PABPN1L: variants seen among roughly 807,000 people sequenced by gnomAD.
PABPN1L encodes the protein PABPN1 like, cytoplasmic.
Under a neutral mutation model 34.0 loss-of-function variants are expected in PABPN1L, and 45 were observed. The observed-to-expected ratio is 1.32, with a 90% CI of 1.04 to 1.70. The LOEUF (loss-of-function observed/expected upper bound fraction) is 1.70, where lower values mean the gene tolerates loss of function less well. PABPN1L is among the 40% of genes most tolerant of loss of function. PABPN1L has a pLI of 0.00. For synonymous variants in PABPN1L, 182 were observed against 152.1 expected (o/e 1.20, Z -1.45); for missense variants, 459 against 367.8 (o/e 1.25, Z -2.03).
chr16:88,864,348 A>G (rs1198369991), exon 6 of PABPN1L: 1 of 1,556,242 alleles, frequency 6.4e-7, no homozygotes, highest in Non-Finnish European at 8.7e-7. Context: ...TGTGGAGCTG[A>G]TCCCAGGGAA....
At chr16:88,866,183 G>A (rs1157265804) in intron 1 of PABPN1L, among the ~76,000 whole-genome samples, 169 bp downstream of exon 1, 1 of 152,234 alleles carries the variant, frequency 6.6e-6, no homozygotes, top group Admixed American at 6.5e-5. Flanking sequence ...CCTGCAGTCT[G>A]TGTGGCTGGG....
chr16:88,863,863 G>A lies in PABPN1L; in HGVS notation c.798-68C>T. 7.6e-6 allele frequency: 11 copies of A among 1,444,118 alleles called. No individual in the cohort carries two copies. The South Asian group carries it at 1.2e-4, about 16-fold the overall frequency. 89.5% of individuals were successfully genotyped at this position (1,444,118 alleles called of 1,614,324 possible). ...GAAGGGGTGGTGGCCCAGGGCCCCG[G>A]GGGACAACAGGATAAGGATGCAGGG... On this transcript the variant is annotated intron_variant, in intron 6 of 6. Coordinates refer to ENST00000419291, the Ensembl canonical transcript of PABPN1L.
chr16:88,863,584 A>T, exon 7 of PABPN1L: 1 of 839,058 alleles, frequency 1.2e-6, no homozygotes. Flanking sequence ...GGACCACCAT[A>T]CAAGGCCCTA....
chr16:88,865,587 G>A, exon 3 of PABPN1L: 1 of 1,611,914 alleles, frequency 6.2e-7, no homozygotes, highest in Non-Finnish European at 8.5e-7. Flanking sequence ...CGGATCTGTG[G>A]TCAGCCTCCA....
chr16:88,866,428 T>A (rs1450650795), exon 1 of PABPN1L: 1 of 1,551,498 alleles, frequency 6.4e-7, no homozygotes, highest in Admixed American at 2.0e-5. Context: ...CCCATCCTGG[T>A]CTTCCTCTGC....
upstream of PABPN1L, among the ~76,000 whole-genome samples, chr16:88,867,012 A>G (rs868095579): frequency 7.6e-4 from 116 of 152,310 alleles, no homozygotes; most frequent in African/African-American, 2.6e-3. Context: ...TTCTTCTAGT[A>G]CCAGGGACCA....
intron 6 of PABPN1L, 51 bp downstream of exon 6, chr16:88,864,186 C>T: frequency 6.6e-7 from 1 of 1,519,524 alleles, no homozygotes; most frequent in Non-Finnish European, 8.8e-7. Context: ...GCCCCTGATG[C>T]CCTCCACCAT....
upstream of PABPN1L, among the ~76,000 whole-genome samples, chr16:88,869,490 G>C (rs1968659225): frequency 6.6e-6 from 1 of 152,192 alleles, no homozygotes; most frequent in South Asian, 2.1e-4. Flanking sequence ...TGATGACTTG[G>C]CCAGCTCTCC....
At chr16:88,865,431 A>G (rs1306784562) in intron 3 of PABPN1L, 132 bp downstream of exon 3, 2 of 1,149,206 alleles carry the variant, frequency 1.7e-6, no homozygotes, top group Non-Finnish European at 2.4e-6. Flanking sequence ...TGTTTCCTCA[A>G]GGTGACGGGG....
At chr16:88,866,808 C>G, upstream of PABPN1L, 7 of 694,168 alleles carry the variant, frequency 1.0e-5, no homozygotes, top group African/African-American at 1.8e-5. Flanking sequence ...CGGACAGGTA[C>G]CTCCAGGACA....
Position 88,865,039 on chromosome 16 carries a change from G to T in PABPN1L, c.549C>A (p.Phe183Leu), listed in dbSNP as rs927739644. The change falls in exon 4 of 7, where the codon TTC (phenylalanine) becomes TTA (leucine). Residue 183 changes from phenylalanine to leucine, a missense_variant. Physicochemically the swap from Phe to Leu is conservative, Grantham distance 22. Transcript: ENST00000419291. ...ACACTGACCCCTTGGGGTGTCCAGA[G>T]AACTTGTCACACAGGATCGTGACTC... The T allele has an allele frequency of 2.5e-6, 4 of 1,600,728 alleles. No homozygotes were observed. The African/African-American group carries it at 4.0e-5, about 16-fold the overall frequency.
rs922110947 is a variant in PABPN1L, at chr16:88,863,866, G to A, written c.798-71C>T. 10 of 1,439,032 alleles carry A rather than the reference G, an allele frequency of 6.9e-6. 1 individual carries two copies. The highest frequency in any genetic ancestry group is 6.0e-5 in the Admixed American group (3 of 50,150). 89.1% of individuals were successfully genotyped at this position (1,439,032 alleles called of 1,614,324 possible). ...GGGGTGGTGGCCCAGGGCCCCGGGG[G>A]ACAACAGGATAAGGATGCAGGGAGG... On this transcript the variant is annotated intron_variant, in intron 6 of 6. Transcript: ENST00000419291.
chr16:88,864,961 G>GGGAGC (rs1298871268), intron 4 of PABPN1L, 21 bp from the exon 5 acceptor site: 7 of 1,605,986 alleles, frequency 4.4e-6, no homozygotes, highest in Non-Finnish European at 6.0e-6. Context: ...GGGCAGGGAG[G>GGGAGC]GGAGGGGTGA....
At chr16:88,865,689 G>A (rs1968575067) in intron 2 of PABPN1L, 59 bp from the exon 3 acceptor site, 5 of 1,559,420 alleles carry the variant, frequency 3.2e-6, no homozygotes, top group African/African-American at 1.4e-5. Flanking sequence ...TCCTCTCACG[G>A]GGAAGGTCGC....
intron 2 of PABPN1L, 34 bp from the exon 3 acceptor site, chr16:88,865,664 T>C: frequency 6.3e-7 from 1 of 1,581,046 alleles, no homozygotes; most frequent in Non-Finnish European, 8.6e-7. Context: ...CGCAGGCCCT[T>C]GGTTCCTTCC....
upstream of PABPN1L, among the ~76,000 whole-genome samples, chr16:88,869,375 T>C: frequency 6.6e-6 from 1 of 152,194 alleles, no homozygotes; most frequent in East Asian, 1.9e-4. Context: ...CTGGACGCTG[T>C]TCCCCCTGCG....
In PABPN1L at chr16:88,864,954, CAGGGA is replaced by C; in HGVS notation, c.567-19_567-15del. 5 of 996,898 alleles carry C rather than the reference CAGGGA, an allele frequency of 5.0e-6. No homozygotes were observed. Among genetic ancestry groups the C allele is most frequent in the Non-Finnish European group, 7.2e-6 (5 of 696,012 alleles). 61.8% of individuals were successfully genotyped at this position (996,898 alleles called of 1,614,324 possible). ...ATGTAGGCATAACTGAGGGGAGGGG[CAGGGA>C]GGGGAGGGGTGAGGCTGGGCCCTGT... On this transcript the variant is annotated splice_polypyrimidine_tract_variant and intron_variant, in intron 4 of 6. Transcript: ENST00000419291.
At chr16:88,865,754 A>G in intron 2 of PABPN1L, 52 bp downstream of exon 2, 1 of 1,563,642 alleles carries the variant, frequency 6.4e-7, no homozygotes, top group Non-Finnish European at 8.7e-7. Context: ...ACCTTAATGG[A>G]AACTGTGGGA....
chr16:88,864,199 C>A lies in PABPN1L; in HGVS notation c.797+38G>T, dbSNP rs747009573. 6.5e-6 allele frequency: 10 copies of A among 1,532,764 alleles called. No homozygotes were observed. The African/African-American group carries it at 8.2e-5, about 13-fold the overall frequency. The allele number at this position is 1,532,764 out of a possible 1,614,324, so 94.9% of individuals were successfully genotyped here. Reference sequence around the variant, plus strand: ...CTGCCCCTGATGCCCTCCACCATGGCCCTCGCCCCCAGGCTGCCCCCACAG... The same window carrying A: ...CTGCCCCTGATGCCCTCCACCATGGACCTCGCCCCCAGGCTGCCCCCACAG... On this transcript the variant is annotated intron_variant, in intron 6 of 6. Transcript: ENST00000419291.
Sources: gnomAD v4.1 joint callset for allele counts (sites outside exome capture counted in the v4.1 genomes callset) on GRCh38, gnomAD v4.1.1 for gene constraint, MANE v1.5 for transcripts, NCBI Gene and HGNC (gene_info 2026-07-23, HGNC 2026-07-21) for gene names.